Variants in RBFOX1 observed in about 807,000 individuals in gnomAD.
The protein encoded by RBFOX1 is RNA binding protein fox-1 homolog 1.
A neutral mutation model predicts 57.7 loss-of-function variants in RBFOX1; 8 were observed. The ratio of observed to expected loss-of-function variants is 0.14; its 90% confidence interval spans 0.08 to 0.25. The LOEUF (loss-of-function observed/expected upper bound fraction) is 0.25, where lower values mean the gene tolerates loss of function less well. Ranked by LOEUF, RBFOX1 falls within the 10% of genes least tolerant of loss-of-function variation. The pLI, the probability that RBFOX1 is intolerant of heterozygous loss-of-function variation, is 1.00. For synonymous variants in RBFOX1, 326 were observed against 222.4 expected (o/e 1.47, Z -4.15); for missense variants, 611 against 548.5 (o/e 1.11, Z -1.14).
At chr16:6,197,144 T>G (rs2097184827) in intron 1 of RBFOX1, among the ~76,000 whole-genome samples, 1 of 152,184 alleles carries the variant, frequency 6.6e-6, no homozygotes, top group Admixed American at 6.6e-5. Flanking sequence ...GTTAAATGCA[T>G]GCATGTCACC....
chr16:7,426,471 G>C (rs1011919480), intron 4 of RBFOX1, among the ~76,000 whole-genome samples: 2 of 152,174 alleles, frequency 1.3e-5, no homozygotes, highest in African/African-American at 4.8e-5. Flanking sequence ...TAGTTTTCAA[G>C]CAACAGCGTG....
chr16:6,895,478 A>ATG (rs2066639295), intron 3 of RBFOX1, among the ~76,000 whole-genome samples: 2 of 99,794 alleles, frequency 2.0e-5, no homozygotes, highest in Admixed American at 1.9e-4. Flanking sequence ...ATATATATAT[A>ATG]TATATATATT....
At chr16:6,854,017 TAGA>T (rs2057338629) in intron 3 of RBFOX1, among the ~76,000 whole-genome samples, 1 of 152,146 alleles carries the variant, frequency 6.6e-6, no homozygotes, top group Non-Finnish European at 1.5e-5. Flanking sequence ...GAAAGAAAGG[TAGA>T]AGGAAGGACA....
intron 2 of RBFOX1, among the ~76,000 whole-genome samples, chr16:6,370,152 A>G (rs1004809081): frequency 6.6e-6 from 1 of 151,876 alleles, no homozygotes; most frequent in Admixed American, 6.6e-5. Context: ...AGATCAGGAG[A>G]TCGAGACCGT....
chr16:7,366,305 G>A (rs1020351791), intron 4 of RBFOX1, among the ~76,000 whole-genome samples: 1 of 152,236 alleles, frequency 6.6e-6, no homozygotes, highest in African/African-American at 2.4e-5. Context: ...CTTAGCCATT[G>A]CCAGATCGTT....
intron 4 of RBFOX1, among the ~76,000 whole-genome samples, chr16:7,260,554 G>T (rs765398088): frequency 3.1e-4 from 47 of 151,956 alleles, no homozygotes; most frequent in Non-Finnish European, 5.7e-4. Flanking sequence ...GCATCTTCAG[G>T]GAATAACTCA....
intron 4 of RBFOX1, among the ~76,000 whole-genome samples, chr16:7,224,127 TAA>T (rs1168449932): frequency 0.018 from 956 of 52,194 alleles, 12 homozygotes; most frequent in African/African-American, 0.068. Flanking sequence ...TTCCTTTTTC[TAA>T]AAAAAAAAAA....
At chr16:6,979,038 C>G (rs566421337) in intron 3 of RBFOX1, among the ~76,000 whole-genome samples, 2 of 152,222 alleles carry the variant, frequency 1.3e-5, no homozygotes, top group South Asian at 4.1e-4. Flanking sequence ...GGAGATAATA[C>G]AAAAGTTATT....
At chr16:6,805,794 G>C (rs1319406997) in intron 3 of RBFOX1, among the ~76,000 whole-genome samples, 1 of 152,154 alleles carries the variant, frequency 6.6e-6, no homozygotes, top group Non-Finnish European at 1.5e-5. Flanking sequence ...GCCATGTGGA[G>C]ATTTTCACAT....
At chr16:7,225,016 G>C (rs538252822) in intron 4 of RBFOX1, among the ~76,000 whole-genome samples, 3 of 152,284 alleles carry the variant, frequency 2.0e-5, no homozygotes, top group African/African-American at 7.2e-5. Flanking sequence ...ACATTTTTGT[G>C]ACATACTTCT....
chr16:7,136,945 TG>T, intron 4 of RBFOX1, among the ~76,000 whole-genome samples: 1 of 152,358 alleles, frequency 6.6e-6, no homozygotes, highest in South Asian at 2.1e-4. Flanking sequence ...TTCCTCGTCA[TG>T]GCCCATGGGC....
At chr16:7,078,686 AT>A (rs141609189) in intron 4 of RBFOX1, among the ~76,000 whole-genome samples, 1,494 of 135,560 alleles carry the variant, frequency 0.011, 31 homozygotes, top group African/African-American at 0.038. Flanking sequence ...TATTTATTTT[AT>A]TTTATTTTTT....
At chr16:6,840,578 G>A (rs28620555) in intron 3 of RBFOX1, among the ~76,000 whole-genome samples, 32,121 of 151,912 alleles carry the variant, frequency 0.21, 3,566 homozygotes, top group Middle Eastern at 0.35. Flanking sequence ...CCTCATGAAT[G>A]GGATTAGTGC....
In RBFOX1 at chr16:6,072,850, A is replaced by G. The variant is rs955163856; in HGVS notation, c.-127+52858A>G. 5.3e-5 allele frequency among the ~76,000 whole-genome samples: 8 copies of G among 152,236 alleles called. No individual in the cohort carries two copies. In the South Asian group the frequency reaches 1.7e-3, roughly 32 times the overall value. ...CACTCCACATGTCCAAATAAAGGGA[A>G]ATTTTTGGATGTGAAAGATAGGTCT... On this transcript the variant is annotated intron_variant, in intron 1 of 15. Coordinates refer to ENST00000550418, the MANE Select transcript of RBFOX1 (RefSeq NM_018723.4).
At chr16:7,350,404 T>C (rs2097106886) in intron 4 of RBFOX1, among the ~76,000 whole-genome samples, 1 of 152,000 alleles carries the variant, frequency 6.6e-6, no homozygotes, top group Non-Finnish European at 1.5e-5. Flanking sequence ...AAACACAAAG[T>C]CAGGTGTGCA....
rs543506382 is a variant in RBFOX1, at chr16:7,105,976, A to T, written c.27+53878A>T. ...TCCAGTCTTTGTCTGTGCTAATGAC[A>T]ACTCTATGAAACTACTCAGTCCAGG... is the stretch of plus-strand genomic sequence containing the variant. On this transcript the variant is annotated intron_variant, in intron 4 of 15. Transcript: ENST00000550418. Among the ~76,000 whole-genome samples, 35 of 152,266 alleles carry T rather than the reference A, an allele frequency of 2.3e-4. 1 individual carries two copies. The South Asian group carries it at 7.1e-3, about 31-fold the overall frequency.
intron 2 of RBFOX1, among the ~76,000 whole-genome samples, chr16:5,513,701 A>G (rs749825012): frequency 6.6e-6 from 1 of 152,094 alleles, no homozygotes; most frequent in Non-Finnish European, 1.5e-5. Flanking sequence ...ATGGATATTT[A>G]TTGTATGCTT....
intron 2 of RBFOX1, among the ~76,000 whole-genome samples, chr16:6,327,260 C>T (rs1036994054): frequency 3.3e-5 from 5 of 152,028 alleles, no homozygotes; most frequent in African/African-American, 1.2e-4. Context: ...CTGCGATCAT[C>T]ATTATAATGG....
At chr16:5,797,263 G>T (rs896197729) in intron 3 of RBFOX1, among the ~76,000 whole-genome samples, 1 of 152,166 alleles carries the variant, frequency 6.6e-6, no homozygotes, top group Non-Finnish European at 1.5e-5. Context: ...ACATAGACTG[G>T]ATTTGCATCA....
Sources: allele counts gnomAD v4.1 joint callset (sites outside exome capture counted in the v4.1 genomes callset), GRCh38; gene constraint gnomAD v4.1.1; transcripts MANE v1.5; gene names NCBI Gene and HGNC (gene_info 2026-07-23, HGNC 2026-07-21).